Variants in CC2D2B observed in about 807,000 individuals in gnomAD.
CC2D2B encodes protein CC2D2B.
CC2D2B carries 128 observed loss-of-function variants against 161.2 expected under a neutral mutation model. The observed-to-expected ratio is 0.79, with a 90% CI of 0.69 to 0.92. The LOEUF (loss-of-function observed/expected upper bound fraction) is 0.92. Ranked by LOEUF, CC2D2B falls within the 40% of genes least tolerant of loss-of-function variation. The pLI is 0.00. For synonymous variants in CC2D2B, 391 were observed against 449.8 expected, an observed-to-expected ratio of 0.87 and a Z score of 1.65; for missense variants, 1,173 against 1,375.1, an observed-to-expected ratio of 0.85 and a Z score of 2.32.
intron 11 of CC2D2B, among the ~76,000 whole-genome samples, chr10:95,959,018 T>C (rs1266468913): frequency 1.3e-5 from 2 of 152,166 alleles, no homozygotes; most frequent in East Asian, 3.8e-4. Flanking sequence ...GGAACATTAC[T>C]ATAGATGCTG....
rs114865464 is a variant in CC2D2B, at chr10:95,915,693, A to C, written c.36+4334A>C. Among the ~76,000 whole-genome samples the C allele has an allele frequency of 5.3e-3, 808 of 152,276 alleles. 7 individuals carry two copies. Among genetic ancestry groups the C allele is most frequent in the African/African-American group, 0.018 (764 of 41,546 alleles). On this transcript the variant is annotated intron_variant, in intron 2 of 34. Transcript: ENST00000646931. Reference sequence around the variant, plus strand: ...TTTTGTCTCTCATTCTGTTGGTATGATGTATCACATTGATTGATTTGTGTA... The same window carrying C: ...TTTTGTCTCTCATTCTGTTGGTATGCTGTATCACATTGATTGATTTGTGTA...
chr10:95,973,272 C>T (rs2077199886), intron 16 of CC2D2B, among the ~76,000 whole-genome samples: 1 of 152,096 alleles, frequency 6.6e-6, no homozygotes, highest in African/African-American at 2.4e-5. Context: ...TTAGGGAACA[C>T]TGTGCACTCA....
chr10:96,024,848 T>C lies in CC2D2B; in HGVS notation c.3889-5T>C. On this transcript the variant is annotated splice_region_variant and splice_polypyrimidine_tract_variant and intron_variant, in intron 32 of 34. Transcript: ENST00000646931. ...ATCTATTCTAACTTTGGTTGTCTAT[T>C]TCAGCCTGAAGAAATAATTTATTTT... is the stretch of plus-strand genomic sequence containing the variant. The C allele has an allele frequency of 6.7e-7, 1 of 1,486,634 alleles. No homozygotes were observed. 92.1% of individuals were successfully genotyped at this position (1,486,634 alleles called of 1,614,324 possible).
intron 32 of CC2D2B, chr10:96,022,701 G>A (rs758464420): frequency 2.0e-5 from 3 of 152,178 alleles, no homozygotes; most frequent in Non-Finnish European, 4.4e-5. Context: ...CCAGTGTTAC[G>A]TTAGATGTAG....
intron 34 of CC2D2B, among the ~76,000 whole-genome samples, chr10:96,027,818 C>A (rs1370775875): frequency 6.6e-6 from 1 of 152,080 alleles, no homozygotes; most frequent in African/African-American, 2.4e-5. Context: ...GAATAGAGAA[C>A]CCGGAAACAA....
chr10:95,924,286 A>T, intron 3 of CC2D2B, 28 bp from the exon 4 acceptor site: 1 of 1,260,570 alleles, frequency 7.9e-7, no homozygotes, highest in Non-Finnish European at 1.1e-6. Context: ...AGTGTCATAA[A>T]CTCTTTATTA....
chr10:95,926,850 G>GTGTC (rs1228814250), intron 5 of CC2D2B, among the ~76,000 whole-genome samples: 3 of 145,604 alleles, frequency 2.1e-5, no homozygotes, highest in Admixed American at 6.9e-5. Context: ...GTGTGTGTCT[G>GTGTC]TGTGTGTGTG....
At chr10:96,030,290 T>C (rs571163758) in intron 34 of CC2D2B, among the ~76,000 whole-genome samples, 6 of 152,086 alleles carry the variant, frequency 3.9e-5, no homozygotes, top group Admixed American at 1.3e-4. Context: ...TAAACAAACA[T>C]GGTGGGCATC....
chr10:96,025,180 TATATAAAA>T (rs2079679721), intron 33 of CC2D2B, among the ~76,000 whole-genome samples: 3 of 11,950 alleles, frequency 2.5e-4, no homozygotes, highest in South Asian at 3.2e-3. Flanking sequence ...TATATATATA[TATATAAAA>T]AAAAATATAT....
At chr10:95,972,670 TGTTTAAA>T (rs1324448631) in intron 16 of CC2D2B, among the ~76,000 whole-genome samples, 1 of 152,220 alleles carries the variant, frequency 6.6e-6, no homozygotes, top group African/African-American at 2.4e-5. Flanking sequence ...TAAACTAGAT[TGTTTAAA>T]GTTTTGTCTT....
chr10:95,914,762 T>A (rs1480026323), intron 2 of CC2D2B, among the ~76,000 whole-genome samples: 1 of 152,200 alleles, frequency 6.6e-6, no homozygotes, highest in Non-Finnish European at 1.5e-5. Flanking sequence ...TGTGAGTCAA[T>A]TAAACTTCTT....
intron 29 of CC2D2B, among the ~76,000 whole-genome samples, chr10:96,015,104 C>T (rs903403989): frequency 6.6e-6 from 1 of 151,566 alleles, no homozygotes; most frequent in Admixed American, 6.6e-5. Flanking sequence ...CTCGCTCTGT[C>T]GCCAGGCTGG....
intron 24 of CC2D2B, among the ~76,000 whole-genome samples, chr10:95,997,642 C>G (rs2078282289): frequency 6.6e-6 from 1 of 152,212 alleles, no homozygotes; most frequent in Non-Finnish European, 1.5e-5. Context: ...TCCTGCCTGG[C>G]CTCCCAGAGT....
intron 12 of CC2D2B, 44 bp from the exon 13 acceptor site, chr10:95,965,852 C>A: frequency 2.9e-6 from 2 of 684,696 alleles, no homozygotes; most frequent in Non-Finnish European, 4.0e-6. Context: ...TCTCAAATAC[C>A]TCCATTATTT....
Position 96,016,369 on chromosome 10 carries a change from G to T in CC2D2B, c.3630+55G>T. 5 of 1,230,120 alleles carry T rather than the reference G, an allele frequency of 4.1e-6. No individual in the cohort carries two copies. The Admixed American group carries it at 6.9e-5, about 17-fold the overall frequency. 76.2% of individuals were successfully genotyped at this position (1,230,120 alleles called of 1,614,324 possible). Reference sequence around the variant, plus strand: ...GTAAGCAAAAGGAAATCAGATTTCAGCTGCAAGTTTAGAAGACTTCAAACC... The same window carrying T: ...GTAAGCAAAAGGAAATCAGATTTCATCTGCAAGTTTAGAAGACTTCAAACC... On this transcript the variant is annotated intron_variant, in intron 30 of 34. Coordinates refer to ENST00000646931, the MANE Select transcript of CC2D2B (RefSeq NM_001349008.3).
intron 12 of CC2D2B, 73 bp from the exon 13 acceptor site, chr10:95,965,823 T>TGTG (rs2076923008): frequency 2.7e-6 from 1 of 367,868 alleles, no homozygotes; most frequent in African/African-American, 2.6e-5. Context: ...GTGTGTGTGT[T>TGTG]GGCAAAATCT....
At chr10:96,011,959 C>T (rs1177464179) in intron 26 of CC2D2B, among the ~76,000 whole-genome samples, 1 of 152,058 alleles carries the variant, frequency 6.6e-6, no homozygotes, top group Non-Finnish European at 1.5e-5. Flanking sequence ...CTTACTCCTA[C>T]CCTCTCTACA....
chr10:95,974,737 T>A (rs1203157871), intron 17 of CC2D2B, among the ~76,000 whole-genome samples: 1 of 152,164 alleles, frequency 6.6e-6, no homozygotes, highest in Non-Finnish European at 1.5e-5. Flanking sequence ...CACATATTTT[T>A]AAAAATAAAC....
At chr10:95,989,651 G>T (rs1226488287) in intron 20 of CC2D2B, among the ~76,000 whole-genome samples, 2 of 152,168 alleles carry the variant, frequency 1.3e-5, no homozygotes, top group Admixed American at 1.3e-4. Flanking sequence ...GGGTTAGGAA[G>T]GATGTAAGAG....
Sources: allele counts gnomAD v4.1 joint callset (sites outside exome capture counted in the v4.1 genomes callset), GRCh38; gene constraint gnomAD v4.1.1; transcripts MANE v1.5; gene names NCBI Gene and HGNC (gene_info 2026-07-23, HGNC 2026-07-21).